Variants in WDCP observed in about 807,000 individuals in gnomAD.
The protein encoded by WDCP is WD repeat and coiled-coil-containing protein.
Under a neutral mutation model 41.6 loss-of-function variants are expected in WDCP, and 19 were observed. The observed-to-expected ratio is 0.46, with a 90% CI of 0.32 to 0.67. The LOEUF (loss-of-function observed/expected upper bound fraction) is 0.67, where lower values mean the gene tolerates loss of function less well. Among genes scored for constraint, WDCP ranks in the 30% least tolerant of loss-of-function variants. The pLI, the probability that WDCP is intolerant of heterozygous loss-of-function variation, is 0.04. For missense variants in WDCP, 802 were observed against 850.7 expected (o/e 0.94, Z 0.71); for synonymous variants, 302 against 320.8 (o/e 0.94, Z 0.63).
At chr2:24,046,768 A>C (rs938345570) in intron 1 of WDCP, among the ~76,000 whole-genome samples, 1 of 152,228 alleles carries the variant, frequency 6.6e-6, no homozygotes, top group South Asian at 2.1e-4. Context: ...CATTCATCCA[A>C]AGAAAATTAT....
intron 2 of WDCP, among the ~76,000 whole-genome samples, chr2:24,034,563 G>T (rs1418905279): frequency 1.4e-5 from 2 of 144,454 alleles, no homozygotes; most frequent in Non-Finnish European, 3.0e-5. Flanking sequence ...GGAATTGAAA[G>T]GGCAACAAAA....
At chr2:24,032,105 C>T (rs758538701) in intron 3 of WDCP, among the ~76,000 whole-genome samples, 5 of 152,188 alleles carry the variant, frequency 3.3e-5, no homozygotes, top group Non-Finnish European at 5.9e-5. Context: ...GGTGTGGTGG[C>T]TTATGCCAGT....
At chr2:24,037,374 T>A (rs1467016706) in intron 2 of WDCP, among the ~76,000 whole-genome samples, 1 of 152,222 alleles carries the variant, frequency 6.6e-6, no homozygotes, top group African/African-American at 2.4e-5. Flanking sequence ...AAGGAAAAGG[T>A]TGTCACAATG....
intron 1 of WDCP, among the ~76,000 whole-genome samples, chr2:24,041,208 G>C (rs1022349529): frequency 2.0e-5 from 3 of 150,580 alleles, no homozygotes; most frequent in Non-Finnish European, 4.4e-5. Flanking sequence ...GCATGGTGGC[G>C]CATGCCTGTA....
chr2:24,034,574 CTTT>C (rs70944707), intron 2 of WDCP, among the ~76,000 whole-genome samples: 3 of 138,050 alleles, frequency 2.2e-5, no homozygotes, highest in Non-Finnish European at 1.5e-5. Flanking sequence ...GGCAACAAAA[CTTT>C]TTTTTTTTTT....
chr2:24,035,822 G>A (rs1455168644), intron 2 of WDCP, among the ~76,000 whole-genome samples: 1 of 151,778 alleles, frequency 6.6e-6, no homozygotes, highest in African/African-American at 2.4e-5. Flanking sequence ...TGTAATCTCA[G>A]CACTCTGGGA....
chr2:24,030,323 G>A lies in WDCP; in HGVS notation c.*610C>T, dbSNP rs1383715241. 6.6e-6 allele frequency: 1 copy of A among 152,102 alleles called. No homozygotes were observed. Among genetic ancestry groups the A allele is most frequent in the Non-Finnish European group, 1.5e-5 (1 of 68,026 alleles). 9.4% of individuals were successfully genotyped at this position (152,102 alleles called of 1,614,324 possible). Reference sequence around the variant, plus strand: ...CCAGGGCCAGTTTTTAAGAGTACCTGGACCTTCGTCAGCCAGAATTTGTTA... The same window carrying A: ...CCAGGGCCAGTTTTTAAGAGTACCTAGACCTTCGTCAGCCAGAATTTGTTA... On this transcript the variant is annotated 3_prime_UTR_variant, in exon 4 of 4. Transcript: ENST00000295148.
intron 2 of WDCP, chr2:24,033,149 G>A (rs545739329): frequency 1.5e-6 from 1 of 658,028 alleles, no homozygotes; most frequent in African/African-American, 1.8e-5. Flanking sequence ...TTTTCCTTTT[G>A]TTCTACTCTT....
chr2:24,037,634 G>A (rs1390642199), intron 2 of WDCP, 43 bp downstream of exon 2: 7 of 1,542,358 alleles, frequency 4.5e-6, no homozygotes. Flanking sequence ...ACCGGCTGCA[G>A]GAGCTTTTAT....
Position 24,037,996 on chromosome 2 carries a change from T to C in WDCP, c.1499A>G (p.Gln500Arg), listed in dbSNP as rs771967127. Residue 500 changes from glutamine (Q) to arginine (R), a missense_variant, in exon 2 of 4, where the codon CAG (glutamine) becomes CGG (arginine). Transcript: ENST00000295148. ...ATCACAGATACTAGACAGAGGACTCTGGATTTCTTTAATAAGTGTTCTTCC... is the reference window on the plus strand; with the variant it reads ...ATCACAGATACTAGACAGAGGACTCCGGATTTCTTTAATAAGTGTTCTTCC... ...RPGRTLIKEI[Q>R]SPLSSICDGS... The C allele has an allele frequency of 1.2e-6, 2 of 1,614,200 alleles. No homozygotes were observed. Among genetic ancestry groups the C allele is most frequent in the South Asian group, 2.2e-5 (2 of 91,080 alleles).
Position 24,038,008 on chromosome 2 carries a change from A to G in WDCP, c.1487T>C (p.Ile496Thr), listed in dbSNP as rs775118738. Residue 496 changes from isoleucine to threonine, a missense_variant, in exon 2 of 4, where the codon ATT becomes ACT. By Grantham distance (89) the Ile-to-Thr change is moderately conservative. Around this residue, in one of 5 missense-constraint regions of WDCP, gnomAD observed 321 missense variants for 305.1 expected, o/e 1.05. Coordinates refer to ENST00000295148, the MANE Select transcript of WDCP (RefSeq NM_025203.3). ...SQNGRPGRTLIKEIQSPLSSI... is the reference protein window; with the variant it reads ...SQNGRPGRTLTKEIQSPLSSI... ...AGACAGAGGACTCTGGATTTCTTTA[A>G]TAAGTGTTCTTCCAGGCCTTCCATT... 7 of 1,614,184 alleles carry G rather than the reference A, an allele frequency of 4.3e-6. No individual in the cohort carries two copies. Among genetic ancestry groups the G allele is most frequent in the South Asian group, 3.3e-5 (3 of 91,078 alleles).
At chr2:24,031,198 T>C (rs1444882287) in intron 3 of WDCP, 36 bp from the exon 4 acceptor site, 1 of 1,473,840 alleles carries the variant, frequency 6.8e-7, no homozygotes, top group South Asian at 1.2e-5. Flanking sequence ...CAATTTAGTA[T>C]ATATTATTCT....
chr2:24,043,727 CT>C, intron 1 of WDCP, among the ~76,000 whole-genome samples: 1 of 152,130 alleles, frequency 6.6e-6, no homozygotes, highest in East Asian at 1.9e-4. Context: ...ATTTTTCAGC[CT>C]TGTTTTACTG....
At position 24,038,368 on chromosome 2, in the gene WDCP, T is replaced by C; in HGVS notation, c.1127A>G (p.Asn376Ser). Residue 376 changes from asparagine to serine, a missense_variant, in exon 2 of 4, where the codon AAC (asparagine) becomes AGC (serine). Coordinates refer to ENST00000295148, the MANE Select transcript of WDCP (RefSeq NM_025203.3). The stretch of plus-strand genomic sequence containing the variant: ...GTTCTCTAATCGAATTTGCTGGATG[T>C]TTGGGACTGAAGATGGAATGACAGA... ...IYSVIPSSVP[N>S]IQQIRLENTE... The C allele has an allele frequency of 6.2e-7, 1 of 1,614,210 alleles. No individual in the cohort carries two copies. The highest frequency in any genetic ancestry group is 1.3e-5 in the African/African-American group (1 of 75,066).
At chr2:24,034,313 T>G (rs1663178188) in intron 2 of WDCP, among the ~76,000 whole-genome samples, 1 of 151,938 alleles carries the variant, frequency 6.6e-6, no homozygotes, top group African/African-American at 2.4e-5. Flanking sequence ...CCCAACTACC[T>G]GGGTGGCTGA....
chr2:24,037,035 C>T (rs925613097), intron 2 of WDCP, among the ~76,000 whole-genome samples: 4 of 152,216 alleles, frequency 2.6e-5, no homozygotes, highest in African/African-American at 9.6e-5. Flanking sequence ...ATAACCTTTT[C>T]CTTTTTCTTT....
At chr2:24,045,101 T>C (rs187407797) in intron 1 of WDCP, among the ~76,000 whole-genome samples, 5 of 152,212 alleles carry the variant, frequency 3.3e-5, no homozygotes, top group Admixed American at 2.6e-4. Flanking sequence ...GTAATTTGAA[T>C]GCCACAAAGT....
At chr2:24,044,817 T>TAAAA (rs747340836) in intron 1 of WDCP, among the ~76,000 whole-genome samples, 5 of 103,912 alleles carry the variant, frequency 4.8e-5, no homozygotes, top group Admixed American at 1.1e-4. Flanking sequence ...GAATTATCTT[T>TAAAA]AAAAAAAAAA....
At chr2:24,031,564 C>T (rs561693886) in intron 3 of WDCP, among the ~76,000 whole-genome samples, 1 of 152,204 alleles carries the variant, frequency 6.6e-6, no homozygotes, top group South Asian at 2.1e-4. Flanking sequence ...CAGTGGCTCA[C>T]GCCTATAATC....
Sources: gnomAD v4.1 joint callset for allele counts (sites outside exome capture counted in the v4.1 genomes callset) on GRCh38, gnomAD v4.1.1 for gene constraint, gnomAD v4.1.1 regional missense constraint, MANE v1.5 for transcripts, NCBI Gene and HGNC (gene_info 2026-07-23, HGNC 2026-07-21) for gene names.